The following EYS variants were observed in gnomAD, a reference collection of about 807,000 sequenced individuals.
EYS encodes the protein protein eyes shut homolog.
In EYS, 250 loss-of-function variants were observed where a neutral mutation model predicts 282.1. The ratio of observed to expected loss-of-function variants is 0.89; its 90% CI spans 0.80 to 0.98. The LOEUF (loss-of-function observed/expected upper bound fraction) is 0.98. EYS is among the 50% of genes least tolerant of loss of function. EYS has a pLI of 0.00. For missense variants in EYS, 4,016 were observed against 3,709.0 expected (o/e 1.08, Z -2.15); for synonymous variants, 1,355 against 1,282.9 (o/e 1.06, Z -1.20).
At position 65,262,212 on chromosome 6, in the gene EYS, T is replaced by C. The variant is rs149857624; in HGVS notation, c.2023+33651A>G. 5.2e-3 allele frequency among the ~76,000 whole-genome samples: 785 copies of C among 152,218 alleles called. 7 individuals carry two copies. Among genetic ancestry groups the C allele is most frequent in the African/African-American group, 0.018 (754 of 41,562 alleles). On this transcript the variant is annotated intron_variant, in intron 12 of 42. Transcript: ENST00000503581. The stretch of plus-strand genomic sequence containing the variant: ...CTTTGATTCAATTAGCCAGTGATAT[T>C]TGTGTTACTTCTTACTAAAGAATCT...
intron 31 of EYS, among the ~76,000 whole-genome samples, chr6:64,159,919 C>G (rs1184068695): frequency 6.6e-6 from 1 of 152,086 alleles, no homozygotes; most frequent in Non-Finnish European, 1.5e-5. Flanking sequence ...GGAATAATAA[C>G]TTTTTTTGGT....
intron 12 of EYS, among the ~76,000 whole-genome samples, chr6:65,162,798 C>A (rs1352700341): frequency 6.6e-6 from 1 of 150,912 alleles, no homozygotes; most frequent in Non-Finnish European, 1.5e-5. Context: ...TTTTTGAGGA[C>A]AAGCCAGGAC....
At chr6:64,568,522 A>G (rs1038507473) in intron 26 of EYS, among the ~76,000 whole-genome samples, 2 of 152,190 alleles carry the variant, frequency 1.3e-5, no homozygotes, top group Admixed American at 6.5e-5. Context: ...CCTGGGACAG[A>G]GCACTTAAGG....
chr6:64,850,077 GATTA>G (rs1765835469), intron 19 of EYS, among the ~76,000 whole-genome samples: 1 of 151,896 alleles, frequency 6.6e-6, no homozygotes, highest in Admixed American at 6.6e-5. Flanking sequence ...AAAAAATTGA[GATTA>G]ATTATATCTT....
chr6:64,365,412 G>A (rs949175444), intron 29 of EYS, among the ~76,000 whole-genome samples: 1 of 151,968 alleles, frequency 6.6e-6, no homozygotes, highest in Non-Finnish European at 1.5e-5. Context: ...TCACCATAGG[G>A]CAAGCTATGT....
chr6:64,523,593 CA>C (rs1412470466), intron 26 of EYS, among the ~76,000 whole-genome samples: 14 of 151,590 alleles, frequency 9.2e-5, no homozygotes, highest in African/African-American at 3.4e-4. Context: ...AAGGTTTTAG[CA>C]AGGAGGACAT....
intron 30 of EYS, among the ~76,000 whole-genome samples, chr6:64,245,282 GTTGTT>G (rs756599615): frequency 6.6e-6 from 1 of 151,830 alleles, no homozygotes; most frequent in East Asian, 2.0e-4. Flanking sequence ...CTTTACTCAG[GTTGTT>G]TTGTTTGTTT....
At chr6:64,107,885 C>G (rs957273371) in intron 31 of EYS, among the ~76,000 whole-genome samples, 9 of 151,930 alleles carry the variant, frequency 5.9e-5, no homozygotes, top group Non-Finnish European at 1.0e-4. Flanking sequence ...TAGGAACTTA[C>G]CAGTACTTCT....
intron 19 of EYS, among the ~76,000 whole-genome samples, chr6:64,875,064 T>G (rs188395920): frequency 8.5e-4 from 129 of 152,158 alleles, no homozygotes; most frequent in African/African-American, 3.0e-3. Context: ...GCAGGAAGTA[T>G]CAAGGCCTGC....
intron 41 of EYS, among the ~76,000 whole-genome samples, chr6:63,727,454 A>T (rs934128993): frequency 4.8e-4 from 72 of 151,302 alleles, no homozygotes; most frequent in African/African-American, 1.6e-3. Flanking sequence ...GATTTTTTTT[A>T]AAAAACTGTA....
At chr6:65,129,259 G>A (rs1199151095) in intron 12 of EYS, among the ~76,000 whole-genome samples, 1 of 151,868 alleles carries the variant, frequency 6.6e-6, no homozygotes, top group Non-Finnish European at 1.5e-5. Context: ...TATTGGTCTT[G>A]GCAAAGTATT....
At chr6:65,383,561 G>T (rs1765694075) in intron 8 of EYS, among the ~76,000 whole-genome samples, 2 of 149,036 alleles carry the variant, frequency 1.3e-5, no homozygotes. Context: ...TATTTTTCTT[G>T]TCTTATTTCT....
intron 18 of EYS, 40 bp from the exon 19 acceptor site, chr6:64,886,882 A>G (rs893991122): frequency 1.2e-5 from 15 of 1,233,862 alleles, no homozygotes; most frequent in African/African-American, 1.6e-5. Flanking sequence ...CCATGTAACA[A>G]TGATAATCAT....
intron 9 of EYS, among the ~76,000 whole-genome samples, chr6:65,351,557 T>G (rs1219470641): frequency 6.6e-6 from 1 of 151,796 alleles, no homozygotes; most frequent in African/African-American, 2.4e-5. Context: ...TCAAAAATAC[T>G]TCTGCCATTT....
At chr6:64,028,669 T>C (rs1769657992) in intron 33 of EYS, among the ~76,000 whole-genome samples, 1 of 152,208 alleles carries the variant, frequency 6.6e-6, no homozygotes, top group South Asian at 2.1e-4. Flanking sequence ...CCCCAAGGGT[T>C]TAGGGATAGC....
intron 35 of EYS, among the ~76,000 whole-genome samples, chr6:63,901,203 C>G (rs1000136277): frequency 2.6e-5 from 4 of 152,034 alleles, no homozygotes; most frequent in Non-Finnish European, 4.4e-5. Flanking sequence ...AATAGAGAAT[C>G]AAATGGAAAT....
intron 5 of EYS, among the ~76,000 whole-genome samples, chr6:65,432,080 G>T (rs764212387): frequency 1.9e-4 from 29 of 152,176 alleles, no homozygotes; most frequent in Middle Eastern, 3.4e-3. Context: ...AAAATCTTAT[G>T]ATCCATAAAA....
intron 13 of EYS, among the ~76,000 whole-genome samples, chr6:65,029,846 G>T (rs1021197260): frequency 6.6e-6 from 1 of 152,188 alleles, no homozygotes; most frequent in Admixed American, 6.5e-5. Flanking sequence ...GAGCAATCTG[G>T]AATCTCTTCA....
chr6:65,398,297 T>A (rs1766365064), intron 7 of EYS, among the ~76,000 whole-genome samples: 1 of 151,954 alleles, frequency 6.6e-6, no homozygotes, highest in Non-Finnish European at 1.5e-5. Flanking sequence ...ACACATAGAT[T>A]AATGAAACAG....
Sources: gnomAD v4.1 joint callset for allele counts (sites outside exome capture counted in the v4.1 genomes callset) on GRCh38, gnomAD v4.1.1 for gene constraint, MANE v1.5 for transcripts, NCBI Gene and HGNC (gene_info 2026-07-23, HGNC 2026-07-21) for gene names.